Variants in GPC6 observed in about 807,000 individuals in gnomAD.
GPC6 encodes glypican-6.
GPC6 carries 14 observed loss-of-function variants against 55.2 expected under a neutral mutation model. That is an observed-to-expected ratio of 0.25 (90% CI 0.17 to 0.40). GPC6 has a LOEUF of 0.40. Among genes scored for constraint, GPC6 ranks in the 10% least tolerant of loss-of-function variants. The pLI, the probability that GPC6 is intolerant of heterozygous loss-of-function variation, is 1.00. For synonymous variants in GPC6, 278 were observed against 259.6 expected, an observed-to-expected ratio of 1.07 and a Z score of -0.68; for missense variants, 641 against 708.5, an observed-to-expected ratio of 0.90 and a Z score of 1.08.
At chr13:93,278,975 T>C (rs1461260596) in intron 1 of GPC6, among the ~76,000 whole-genome samples, 4 of 152,238 alleles carry the variant, frequency 2.6e-5, no homozygotes, top group African/African-American at 9.6e-5. Flanking sequence ...GCAACACTTA[T>C]TTTAAAAAAT....
rs1391352296 is a variant in GPC6, at chr13:94,120,540, TC to T, written c.877+92650del. ...ATACATATGGTTTCTTTTTTTTTTT[TC>T]CCCTGAAAAGCTGGTATGAAATCAA... On this transcript the variant is annotated intron_variant, in intron 4 of 8. Coordinates refer to ENST00000377047, the MANE Select transcript of GPC6 (RefSeq NM_005708.5). Among the ~76,000 whole-genome samples, 3 of 151,872 alleles carry T rather than the reference TC, an allele frequency of 2.0e-5. No homozygotes were observed. In the East Asian group the frequency reaches 5.8e-4, roughly 29 times the overall value.
intron 2 of GPC6, among the ~76,000 whole-genome samples, chr13:93,709,123 G>T (rs1882956914): frequency 6.6e-6 from 1 of 151,802 alleles, no homozygotes; most frequent in Admixed American, 6.6e-5. Flanking sequence ...TTTTTAGCAT[G>T]TTACTTATTA....
intron 4 of GPC6, among the ~76,000 whole-genome samples, chr13:94,169,111 G>A (rs1399456092): frequency 2.6e-5 from 4 of 152,198 alleles, no homozygotes; most frequent in African/African-American, 9.7e-5. Flanking sequence ...GAAGGCTTGA[G>A]CAAGTTTACC....
chr13:93,538,610 C>T (rs902574480), intron 1 of GPC6, among the ~76,000 whole-genome samples: 1 of 152,114 alleles, frequency 6.6e-6, no homozygotes, highest in Non-Finnish European at 1.5e-5. Context: ...CAAATAGTCA[C>T]GCAAAGAAGT....
intron 1 of GPC6, among the ~76,000 whole-genome samples, chr13:93,512,331 T>C (rs901435966): frequency 7.9e-5 from 12 of 152,090 alleles, no homozygotes; most frequent in African/African-American, 2.7e-4. Flanking sequence ...ATGGCCTTTG[T>C]TATATTGAGG....
At chr13:94,098,171 AT>A (rs1885733062) in intron 4 of GPC6, among the ~76,000 whole-genome samples, 1 of 152,208 alleles carries the variant, frequency 6.6e-6, no homozygotes, top group South Asian at 2.1e-4. Flanking sequence ...ATTTAATTCT[AT>A]TTTTAATGCA....
intron 1 of GPC6, among the ~76,000 whole-genome samples, chr13:93,340,129 G>A (rs1381842195): frequency 1.4e-5 from 2 of 142,044 alleles, no homozygotes; most frequent in East Asian, 4.1e-4. Flanking sequence ...TCCGCTGCCA[G>A]GTTCATGCCA....
chr13:94,159,730 A>G (rs1469743386), intron 4 of GPC6, among the ~76,000 whole-genome samples: 1 of 152,184 alleles, frequency 6.6e-6, no homozygotes, highest in African/African-American at 2.4e-5. Context: ...CTGCCAATAT[A>G]TACTTACATG....
At chr13:93,882,724 T>G (rs1252631064) in intron 3 of GPC6, among the ~76,000 whole-genome samples, 1 of 152,136 alleles carries the variant, frequency 6.6e-6, no homozygotes, top group Admixed American at 6.6e-5. Flanking sequence ...AGATTTAGAT[T>G]GTAAAAAATA....
chr13:94,347,484 C>T (rs1391817939), intron 6 of GPC6, among the ~76,000 whole-genome samples: 1 of 152,122 alleles, frequency 6.6e-6, no homozygotes, highest in Non-Finnish European at 1.5e-5. Context: ...TCAGAAGTTA[C>T]CCAGCCAAAT....
Position 93,388,910 on chromosome 13 carries a change from T to C in GPC6, c.161-156353T>C, listed in dbSNP as rs563234662. ...ATGAGTGTGTGAGTGAGTCAGTGAA[T>C]GCACAGCGTTGCCATGGTTAAACCA... On this transcript the variant is annotated intron_variant, in intron 1 of 8. Coordinates refer to ENST00000377047, the MANE Select transcript of GPC6 (RefSeq NM_005708.5). Among the ~76,000 whole-genome samples the C allele has an allele frequency of 1.9e-4, 29 of 152,312 alleles. No individual in the cohort carries two copies. The South Asian group carries it at 5.4e-3, about 28-fold the overall frequency.
intron 4 of GPC6, among the ~76,000 whole-genome samples, chr13:94,146,821 T>C (rs1887578171): frequency 6.6e-6 from 1 of 152,164 alleles, no homozygotes; most frequent in Non-Finnish European, 1.5e-5. Context: ...TTTAGATAAC[T>C]TGGGGATAAA....
intron 2 of GPC6, among the ~76,000 whole-genome samples, chr13:93,756,696 G>A (rs1884781725): frequency 6.6e-6 from 1 of 151,906 alleles, no homozygotes; most frequent in Non-Finnish European, 1.5e-5. Context: ...TGCTGTTGGG[G>A]GCATAAGAGA....
chr13:93,749,747 A>C (rs1362768937), intron 2 of GPC6, among the ~76,000 whole-genome samples: 2 of 152,144 alleles, frequency 1.3e-5, no homozygotes, highest in Non-Finnish European at 2.9e-5. Context: ...TATTACCCCC[A>C]AAAAGCCAAG....
intron 1 of GPC6, among the ~76,000 whole-genome samples, chr13:93,322,883 C>T (rs1879507437): frequency 6.6e-6 from 1 of 152,072 alleles, no homozygotes; most frequent in Non-Finnish European, 1.5e-5. Flanking sequence ...TGGTTTGCTG[C>T]ACCCATCAAC....
chr13:93,657,199 A>G (rs777632159), intron 2 of GPC6, among the ~76,000 whole-genome samples: 9 of 152,148 alleles, frequency 5.9e-5, no homozygotes, highest in Non-Finnish European at 1.2e-4. Context: ...ACTTCAAACT[A>G]TACTACAAGG....
intron 2 of GPC6, among the ~76,000 whole-genome samples, chr13:93,553,541 A>C (rs989768303): frequency 6.6e-6 from 1 of 151,730 alleles, no homozygotes; most frequent in East Asian, 2.0e-4. Context: ...AAAAAATACA[A>C]AAAATTAGCT....
intron 1 of GPC6, among the ~76,000 whole-genome samples, chr13:93,482,086 A>G (rs540778691): frequency 6.6e-6 from 1 of 152,118 alleles, no homozygotes; most frequent in Non-Finnish European, 1.5e-5. Flanking sequence ...ATTTAGTTCA[A>G]TAATATTTTG....
chr13:93,696,876 G>A (rs981499878), intron 2 of GPC6, among the ~76,000 whole-genome samples: 3 of 151,754 alleles, frequency 2.0e-5, no homozygotes, highest in South Asian at 2.1e-4. Flanking sequence ...TGCCCACCTC[G>A]GCCTCCCAAA....
Sources: gnomAD v4.1 joint callset for allele counts (sites outside exome capture counted in the v4.1 genomes callset) on GRCh38, gnomAD v4.1.1 for gene constraint, MANE v1.5 for transcripts, NCBI Gene and HGNC (gene_info 2026-07-23, HGNC 2026-07-21) for gene names.